Variants in LINGO2 observed in about 807,000 individuals in gnomAD.
LINGO2 encodes leucine-rich repeat and immunoglobulin-like domain-containing nogo receptor-interacting protein 2.
Under a neutral mutation model 30.6 loss-of-function variants are expected in LINGO2, and 14 were observed. The ratio of observed to expected loss-of-function variants is 0.46; its 90% CI spans 0.30 to 0.72. The LOEUF (loss-of-function observed/expected upper bound fraction) is 0.72. LINGO2 is among the 30% of genes least tolerant of loss of function. The probability of loss-of-function intolerance (pLI) is 0.07; values close to 1 mark genes in which losing one functional copy is unlikely to be tolerated. For missense variants in LINGO2, 729 were observed against 751.7 expected (o/e 0.97, Z 0.35); for synonymous variants, 317 against 288.5 (o/e 1.10, Z -1.00).
chr9:29,096,782 G>A, the LINGO2 span, among the ~76,000 whole-genome samples: 1 of 140,114 alleles, frequency 7.1e-6, no homozygotes, highest in East Asian at 2.4e-4. Flanking sequence ...TCTCCGGTGA[G>A]TACATGTAGG....
chr9:28,828,600 C>T, the LINGO2 span, among the ~76,000 whole-genome samples: 8 of 144,826 alleles, frequency 5.5e-5, no homozygotes, highest in Admixed American at 2.8e-4. Context: ...TAGAGGCAAC[C>T]TTTTTTTTTT....
At chr9:28,162,189 A>G (rs180891109) in intron 4 of LINGO2, among the ~76,000 whole-genome samples, 28 of 152,264 alleles carry the variant, frequency 1.8e-4, no homozygotes, top group African/African-American at 6.5e-4. Flanking sequence ...CAGACAAACG[A>G]AAGACTCAGT....
At chr9:28,463,592 T>G (rs999838087) in intron 2 of LINGO2, among the ~76,000 whole-genome samples, 4 of 152,070 alleles carry the variant, frequency 2.6e-5, no homozygotes, top group Non-Finnish European at 4.4e-5. Flanking sequence ...TCATCTGAAC[T>G]GCCATAAAGG....
intron 4 of LINGO2, among the ~76,000 whole-genome samples, chr9:28,192,206 T>C (rs1819846480): frequency 6.6e-6 from 1 of 152,110 alleles, no homozygotes. Flanking sequence ...TATGTGTGTA[T>C]ACATATTTAC....
At chr9:28,086,162 C>T (rs376740815) in intron 4 of LINGO2, among the ~76,000 whole-genome samples, 3 of 152,114 alleles carry the variant, frequency 2.0e-5, no homozygotes, top group African/African-American at 7.2e-5. Flanking sequence ...TGTCATACTA[C>T]AAGCATATAT....
chr9:28,433,106 T>C (rs1422725634), intron 2 of LINGO2, among the ~76,000 whole-genome samples: 3 of 152,136 alleles, frequency 2.0e-5, no homozygotes, highest in Non-Finnish European at 4.4e-5. Context: ...ATCATCTCTC[T>C]TAAAAAGCAG....
At chr9:28,441,322 T>G (rs1824189566) in intron 2 of LINGO2, among the ~76,000 whole-genome samples, 1 of 134,918 alleles carries the variant, frequency 7.4e-6, no homozygotes, top group Admixed American at 8.8e-5. Context: ...TCAGGAAGTT[T>G]ATATATTAAA....
At chr9:28,756,638 G>C in the LINGO2 span, among the ~76,000 whole-genome samples, 1 of 152,104 alleles carries the variant, frequency 6.6e-6, no homozygotes, top group Middle Eastern at 3.4e-3. Flanking sequence ...GACCACATGA[G>C]AGAGGTGATT....
the LINGO2 span, among the ~76,000 whole-genome samples, chr9:29,162,642 G>A: frequency 6.6e-6 from 1 of 152,082 alleles, no homozygotes; most frequent in Admixed American, 6.6e-5. Context: ...TCCAGAAATG[G>A]ATGGTGTATA....
chr9:28,540,482 G>A (rs999141739), intron 1 of LINGO2, among the ~76,000 whole-genome samples: 2 of 151,968 alleles, frequency 1.3e-5, no homozygotes, highest in African/African-American at 4.8e-5. Flanking sequence ...GGCTGGGCTC[G>A]AATTCCTGAC....
intron 2 of LINGO2, among the ~76,000 whole-genome samples, chr9:28,461,751 C>T (rs1392490774): frequency 2.0e-5 from 3 of 152,082 alleles, no homozygotes; most frequent in African/African-American, 7.2e-5. Flanking sequence ...GTTACAAAAA[C>T]ATCAGGCTCC....
chr9:29,057,825 T>A, the LINGO2 span, among the ~76,000 whole-genome samples: 1 of 152,072 alleles, frequency 6.6e-6, no homozygotes. Flanking sequence ...ATATTAGAGT[T>A]CCTTCTAATC....
chr9:27,994,317 T>A (rs1261472220), intron 5 of LINGO2, among the ~76,000 whole-genome samples: 4 of 151,634 alleles, frequency 2.6e-5, no homozygotes, highest in Non-Finnish European at 5.9e-5. Flanking sequence ...ATAAATCAAA[T>A]TGAAACTAAA....
chr9:28,476,337 A>G (rs1240320757), intron 1 of LINGO2, among the ~76,000 whole-genome samples: 2 of 152,178 alleles, frequency 1.3e-5, no homozygotes, highest in Admixed American at 6.5e-5. Flanking sequence ...GTGCAGTGAC[A>G]CAATGTCTGC....
the LINGO2 span, among the ~76,000 whole-genome samples, chr9:28,848,755 A>ATCTC: frequency 6.6e-6 from 1 of 151,746 alleles, no homozygotes; most frequent in Non-Finnish European, 1.5e-5. Flanking sequence ...GGGCATGTGG[A>ATCTC]AAACATTTTT....
chr9:28,299,458 T>TC (rs1437398020), intron 3 of LINGO2, among the ~76,000 whole-genome samples: 1 of 151,638 alleles, frequency 6.6e-6, no homozygotes, highest in East Asian at 2.0e-4. Context: ...ATTTTTTTTT[T>TC]CTATTCATTT....
intron 2 of LINGO2, among the ~76,000 whole-genome samples, chr9:28,452,050 CAT>C (rs886121520): frequency 8.6e-5 from 13 of 151,684 alleles, no homozygotes; most frequent in Admixed American, 2.0e-4. Context: ...ATTTTATTTA[CAT>C]GTTTTACTTA....
chr9:28,046,917 G>A (rs769229760), intron 4 of LINGO2, among the ~76,000 whole-genome samples: 1 of 152,094 alleles, frequency 6.6e-6, no homozygotes, highest in African/African-American at 2.4e-5. Context: ...AAATTGTTGT[G>A]GAAACGCGTT....
intron 1 of LINGO2, among the ~76,000 whole-genome samples, chr9:28,476,521 C>T (rs898904284): frequency 7.9e-5 from 12 of 152,038 alleles, no homozygotes; most frequent in Admixed American, 2.6e-4. Context: ...GTGATCCTCC[C>T]GCCGCGGCCT....
Sources: gnomAD v4.1 joint callset for allele counts (sites outside exome capture counted in the v4.1 genomes callset) on GRCh38, gnomAD v4.1.1 for gene constraint, MANE v1.5 for transcripts, NCBI Gene and HGNC (gene_info 2026-07-23, HGNC 2026-07-21) for gene names.